The following CLN3 variants were observed in gnomAD, a reference collection of about 807,000 sequenced individuals.
CLN3 encodes battenin.
Under a neutral mutation model 60.7 loss-of-function variants are expected in CLN3, and 49 were observed. That is an observed-to-expected ratio of 0.81 (90% CI 0.64 to 1.02). CLN3 has a LOEUF of 1.02. Ranked by LOEUF, CLN3 falls within the 50% of genes least tolerant of loss-of-function variation. The probability of loss-of-function intolerance (pLI) is 0.00; values close to 1 mark genes in which losing one functional copy is unlikely to be tolerated. For missense variants in CLN3, 516 were observed against 557.4 expected, an observed-to-expected ratio of 0.93 and a Z score of 0.75; for synonymous variants, 256 against 245.8, an observed-to-expected ratio of 1.04 and a Z score of -0.39.
rs952686299 is a variant in CLN3 at position 28,483,724 on chromosome 16, T to C, written c.790+282A>G. 1.7e-4 allele frequency among the ~76,000 whole-genome samples: 12 copies of C among 68,636 alleles called. 1 individual carries two copies. The highest frequency in any genetic ancestry group is 2.6e-4 in the Non-Finnish European group (6 of 22,680). 45.0% of individuals were successfully genotyped at this position (68,636 alleles called of 152,430 possible). Reference sequence around the variant, plus strand: ...CCTTCCTTTCTTTTCTTTTTTTTTTTTTTTTTTTTTTTTTTGCGACAAGGT... The same window carrying C: ...CCTTCCTTTCTTTTCTTTTTTTTTTCTTTTTTTTTTTTTTTGCGACAAGGT... On this transcript the variant is annotated intron_variant, in intron 10 of 15. Transcript: ENST00000636147.
rs565421692 is a variant in CLN3, at chr16:28,483,411, G to A, written c.790+595C>T. 1.7e-3 allele frequency among the ~76,000 whole-genome samples: 255 copies of A among 152,004 alleles called. 1 individual carries two copies. The highest frequency in any genetic ancestry group is 5.8e-3 in the African/African-American group (241 of 41,482). On this transcript the variant is annotated intron_variant, in intron 10 of 15. Coordinates refer to ENST00000636147, the MANE Select transcript of CLN3 (RefSeq NM_001042432.2). ...TAATTTTTTTATTTTTAGTAGAGAC[G>A]GGGTTTTACCATGTTGGCCAGACTG...
rs1567253952 is a variant in CLN3, at chr16:28,477,787, G to A, written c.1147C>T (p.Leu383Phe). The A allele has an allele frequency of 6.2e-7, 1 of 1,614,216 alleles. No homozygotes were observed. The highest frequency in any genetic ancestry group is 8.5e-7 in the Non-Finnish European group (1 of 1,180,046). ...TTCACGTAGGCTGCGCCTCCCAGGA[G>A]CCCCTCATACAGAATGATCAGGAAG... The part of the protein sequence containing the change: ...LVFLIILYEG[L>F]LGGAAYVNTF... The change falls in exon 15 of 16, where the codon CTC (leucine) becomes TTC (phenylalanine). Residue 383 changes from leucine to phenylalanine, a missense_variant. By Grantham distance (22) the Leu-to-Phe change is conservative. Coordinates refer to ENST00000636147, the MANE Select transcript of CLN3 (RefSeq NM_001042432.2).
downstream of CLN3, among the ~76,000 whole-genome samples, chr16:28,472,045 G>A (rs1427010366): frequency 6.6e-6 from 1 of 152,140 alleles, no homozygotes; most frequent in Non-Finnish European, 1.5e-5. Flanking sequence ...AAAAAAAGTT[G>A]GAGGATTCAC....
At chr16:28,490,691 C>T (rs1033860853) in intron 3 of CLN3, among the ~76,000 whole-genome samples, 5 of 124,062 alleles carry the variant, frequency 4.0e-5, no homozygotes, top group East Asian at 5.3e-4. Flanking sequence ...ACCTGGGAGG[C>T]GGAGTTTGCA....
At chr16:28,480,375 G>A (rs1288761659) in intron 14 of CLN3, among the ~76,000 whole-genome samples, 1 of 151,020 alleles carries the variant, frequency 6.6e-6, no homozygotes, top group East Asian at 2.0e-4. Context: ...CTCTATTTCT[G>A]TATTTTGCTA....
In CLN3 at chr16:28,482,467, C is replaced by T. The variant is rs1486544857; in HGVS notation, c.906+10G>A. On this transcript the variant is annotated intron_variant, in intron 12 of 15. Coordinates refer to ENST00000636147, the MANE Select transcript of CLN3 (RefSeq NM_001042432.2). The stretch of plus-strand genomic sequence containing the variant: ...CCACCTCCACACCCCTCCTAGCACC[C>T]CTCACTTACAAGTCCCTGGTTAATG... The T allele has an allele frequency of 1.2e-6, 2 of 1,614,160 alleles. No homozygotes were observed. The highest frequency in any genetic ancestry group is 1.7e-6 in the Non-Finnish European group (2 of 1,180,006).
chr16:28,481,291 T>G (rs1388120308), intron 14 of CLN3, among the ~76,000 whole-genome samples: 1 of 151,858 alleles, frequency 6.6e-6, no homozygotes, highest in African/African-American at 2.4e-5. Context: ...TGTAGAGATG[T>G]GATTGTGCCA....
rs766238150 is a variant in CLN3, at chr16:28,478,617, T to TAAAAAA, written c.1057-746_1057-741dup. On this transcript the variant is annotated intron_variant, in intron 14 of 15. Transcript: ENST00000636147. The stretch of plus-strand genomic sequence containing the variant: ...GGTGACAGAGCAAGATCCTGTCTCA[T>TAAAAAA]AAAAAAAAAAAAAAAAAAAAAAAAA... 2.7e-3 allele frequency among the ~76,000 whole-genome samples: 198 copies of TAAAAAA among 74,342 alleles called. 11 individuals are homozygous for TAAAAAA. Among genetic ancestry groups the TAAAAAA allele is most frequent in the East Asian group, 0.016 (24 of 1,516 alleles). 48.8% of individuals were successfully genotyped at this position (74,342 alleles called of 152,430 possible).
At chr16:28,480,674 T>C (rs571100887) in intron 14 of CLN3, among the ~76,000 whole-genome samples, 14 of 152,306 alleles carry the variant, frequency 9.2e-5, no homozygotes, top group Admixed American at 8.5e-4. Context: ...CCCAAAGTGC[T>C]GGGATTACAG....
At chr16:28,474,446 C>T (rs549670641), downstream of CLN3, among the ~76,000 whole-genome samples, 39 of 151,462 alleles carry the variant, frequency 2.6e-4, no homozygotes, top group Admixed American at 7.9e-4. Flanking sequence ...CGCAACAGAG[C>T]GAGACTGTCT....
chr16:28,489,236 C>T, intron 4 of CLN3, 54 bp downstream of exon 4: 1 of 1,385,252 alleles, frequency 7.2e-7, no homozygotes, highest in Middle Eastern at 2.0e-4. Flanking sequence ...TTGTCCCACC[C>T]CCTCATCTTC....
chr16:28,467,488 G>A, the CLN3 span, among the ~76,000 whole-genome samples: 3 of 144,508 alleles, frequency 2.1e-5, no homozygotes, highest in African/African-American at 7.6e-5. Flanking sequence ...TGAACTCCTG[G>A]CAGGCGATCT....
intron 3 of CLN3, chr16:28,491,149 T>C (rs568471261): frequency 2.4e-5 from 8 of 333,310 alleles, no homozygotes; most frequent in Non-Finnish European, 4.4e-5. Flanking sequence ...TATTTAAACG[T>C]TCACTAGGAA....
At chr16:28,483,525 GTC>G (rs2046141548) in intron 10 of CLN3, among the ~76,000 whole-genome samples, 1 of 149,008 alleles carries the variant, frequency 6.7e-6, no homozygotes, top group East Asian at 2.1e-4. Flanking sequence ...CCCGGCCAAT[GTC>G]TCTTGTACAG....
At chr16:28,479,269 G>A (rs1180176793) in intron 14 of CLN3, among the ~76,000 whole-genome samples, 1 of 152,186 alleles carries the variant, frequency 6.6e-6, no homozygotes, top group African/African-American at 2.4e-5. Flanking sequence ...ATCTGAGGTA[G>A]ACTTAAAGAT....
chr16:28,481,456 A>ACG (rs1555468013), intron 14 of CLN3, among the ~76,000 whole-genome samples: 157 of 70,210 alleles, frequency 2.2e-3, no homozygotes, highest in African/African-American at 4.5e-3. Context: ...ACACACACGC[A>ACG]CACACACACA....
Position 28,487,508 on chromosome 16 carries a change from A to G in CLN3, c.408T>C (p.Ala136=), listed in dbSNP as rs749176223. Residue 136 remains alanine (A), a synonymous_variant, in exon 7 of 16, where the codon GCT becomes GCC. Coordinates refer to ENST00000636147, the MANE Select transcript of CLN3 (RefSeq NM_001042432.2). ...PRVLVSGICA[A]GSFVLVAFSH... ...AAAAGGCAACCAGGACGAAGCTTCC[A>G]GCAGCACAAATCCCACTGACGAGAA... The G allele has an allele frequency of 1.2e-6, 2 of 1,614,052 alleles. No homozygotes were observed. Among genetic ancestry groups the G allele is most frequent in the Non-Finnish European group, 1.7e-6 (2 of 1,180,006 alleles).
chr16:28,478,497 T>G (rs1476323852), intron 14 of CLN3, among the ~76,000 whole-genome samples: 1 of 151,168 alleles, frequency 6.6e-6, no homozygotes, highest in Non-Finnish European at 1.5e-5. Context: ...GCACCTGCAG[T>G]CCCAGCTACT....
chr16:28,486,522 G>T, intron 8 of CLN3, 32 bp from the exon 9 acceptor site: 1 of 1,608,542 alleles, frequency 6.2e-7, no homozygotes, highest in Admixed American at 1.7e-5. Context: ...CATTCAGGAG[G>T]ACCTAGGCTG....
Sources: allele counts gnomAD v4.1 joint callset (sites outside exome capture counted in the v4.1 genomes callset), GRCh38; gene constraint gnomAD v4.1.1; transcripts MANE v1.5; gene names NCBI Gene and HGNC (gene_info 2026-07-23, HGNC 2026-07-21).